RNF17: variants seen among roughly 807,000 people sequenced by gnomAD.
RNF17 encodes spermatogenesis associated 23.
Under a neutral mutation model 200.5 loss-of-function variants are expected in RNF17, and 31 were observed. The observed-to-expected ratio is 0.15, with a 90% confidence interval of 0.12 to 0.21. The LOEUF (loss-of-function observed/expected upper bound fraction) is 0.21. Among genes scored for constraint, RNF17 ranks in the 10% least tolerant of loss-of-function variants. RNF17 has a pLI of 1.00. For synonymous variants in RNF17, 606 were observed against 637.8 expected (o/e 0.95, Z 0.75); for missense variants, 1,628 against 1,905.1 (o/e 0.85, Z 2.71).
At chr13:24,879,321 T>C in intron 35 of RNF17, 26 bp downstream of exon 35, 1 of 1,406,242 alleles carries the variant, frequency 7.1e-7, no homozygotes. Context: ...CTTCATAGCA[T>C]AAGGCATGGG....
chr13:24,872,061 C>A (rs746862502), intron 32 of RNF17, among the ~76,000 whole-genome samples: 3 of 148,138 alleles, frequency 2.0e-5, no homozygotes, highest in Non-Finnish European at 4.4e-5. Context: ...CTTTGCCTCC[C>A]GGGTTCAAAC....
intron 11 of RNF17, 59 bp from the exon 12 acceptor site, chr13:24,799,336 C>A: frequency 7.5e-7 from 1 of 1,337,820 alleles, no homozygotes; most frequent in Non-Finnish European, 1.1e-6. Context: ...TGTCTGTAAA[C>A]TTATGAAGTG....
intron 22 of RNF17, among the ~76,000 whole-genome samples, chr13:24,847,349 A>ATTT (rs58067264): frequency 1.4e-5 from 2 of 138,866 alleles, no homozygotes; most frequent in Non-Finnish European, 1.6e-5. Context: ...TTATTTATTT[A>ATTT]TTTTTTTTTT....
intron 5 of RNF17, 103 bp from the exon 6 acceptor site, chr13:24,781,741 A>G (rs1882398979): frequency 4.2e-6 from 3 of 707,898 alleles, no homozygotes; most frequent in South Asian, 3.8e-5. Context: ...CTCTTGTGTT[A>G]TTTTGAAGAG....
chr13:24,836,022 C>T (rs1889954017), intron 18 of RNF17, among the ~76,000 whole-genome samples: 1 of 152,132 alleles, frequency 6.6e-6, no homozygotes, highest in African/African-American at 2.4e-5. Context: ...TGGAAAGCCT[C>T]AGCAATGGAA....
At chr13:24,881,951 T>C (rs1312195495), downstream of RNF17, among the ~76,000 whole-genome samples, 141 of 60,372 alleles carry the variant, frequency 2.3e-3, 20 homozygotes, top group African/African-American at 6.5e-3. Flanking sequence ...TATATAGATA[T>C]ATAGATACAT....
intron 15 of RNF17, among the ~76,000 whole-genome samples, chr13:24,806,496 A>G (rs1885862883): frequency 6.6e-6 from 1 of 152,138 alleles, no homozygotes; most frequent in African/African-American, 2.4e-5. Context: ...ATTTCTCCAC[A>G]TCCTCTCCAG....
intron 16 of RNF17, among the ~76,000 whole-genome samples, chr13:24,829,676 A>G (rs993060815): frequency 1.1e-4 from 17 of 152,340 alleles, no homozygotes; most frequent in South Asian, 2.1e-4. Context: ...GCATATTGAA[A>G]TGACAGATAC....
chr13:24,843,700 T>C (rs1388700373), intron 19 of RNF17, 44 bp from the exon 20 acceptor site: 1 of 1,173,680 alleles, frequency 8.5e-7, no homozygotes, highest in Non-Finnish European at 1.3e-6. Context: ...TGCAAACAAA[T>C]ATTTTGCATA....
At chr13:24,855,636 A>G (rs2138261315) in intron 25 of RNF17, among the ~76,000 whole-genome samples, 1 of 152,248 alleles carries the variant, frequency 6.6e-6, no homozygotes, top group South Asian at 2.1e-4. Flanking sequence ...CATTAAAAAA[A>G]AAAAAAATTG....
chr13:24,751,639 A>G, the RNF17 span: 1 of 152,302 alleles, frequency 6.6e-6, no homozygotes, highest in South Asian at 2.1e-4. Flanking sequence ...CATCTAGTTT[A>G]CGGCATGAAT....
Position 24,799,604 on chromosome 13 carries a change from G to A in RNF17, c.1589+20G>A. Reference sequence around the variant, plus strand: ...CACTGGGTATGATATTTTATAATATGTATCCTTGGCCTGCTTAGAAACATT... The same window carrying A: ...CACTGGGTATGATATTTTATAATATATATCCTTGGCCTGCTTAGAAACATT... On this transcript the variant is annotated intron_variant, in intron 12 of 35. Transcript: ENST00000255324. 6.6e-7 allele frequency: 1 copy of A among 1,505,492 alleles called. No homozygotes were observed. Among genetic ancestry groups the A allele is most frequent in the East Asian group, 2.3e-5 (1 of 44,150 alleles). 93.3% of individuals were successfully genotyped at this position (1,505,492 alleles called of 1,614,324 possible).
intron 11 of RNF17, among the ~76,000 whole-genome samples, chr13:24,797,745 T>TGTGTGTGTGTGTGTGTGTGTGTGTGTGTG (rs61047281): frequency 1.3e-5 from 2 of 151,418 alleles, no homozygotes; most frequent in African/African-American, 4.9e-5. Flanking sequence ...TGTGTGTGTG[T>TGTGTGTGTGTGTGTGTGTGTGTGTGTGTG]TTACCCTGCA....
intron 18 of RNF17, among the ~76,000 whole-genome samples, chr13:24,833,214 T>A (rs1008043195): frequency 6.6e-6 from 1 of 152,238 alleles, no homozygotes; most frequent in African/African-American, 2.4e-5. Context: ...CTTTCCTTTA[T>A]CGTAAGACTA....
intron 11 of RNF17, among the ~76,000 whole-genome samples, chr13:24,798,208 A>T (rs1162717048): frequency 6.6e-6 from 1 of 152,216 alleles, no homozygotes; most frequent in Non-Finnish European, 1.5e-5. Flanking sequence ...TGTGACCAGA[A>T]ATACACGTAG....
upstream of RNF17, among the ~76,000 whole-genome samples, chr13:24,760,823 ATT>A (rs749436521): frequency 1.3e-5 from 2 of 152,224 alleles, no homozygotes; most frequent in Non-Finnish European, 2.9e-5. Context: ...CTAAATAGAC[ATT>A]TCTCAAAAGA....
chr13:24,772,652 C>G (rs1273309269), intron 2 of RNF17, among the ~76,000 whole-genome samples: 1 of 151,582 alleles, frequency 6.6e-6, no homozygotes, highest in Non-Finnish European at 1.5e-5. Flanking sequence ...GCTCTGTCAC[C>G]CAGGCTAGAG....
intron 19 of RNF17, among the ~76,000 whole-genome samples, 158 bp from the exon 20 acceptor site, chr13:24,843,586 C>A (rs1249619485): frequency 6.6e-6 from 1 of 152,016 alleles, no homozygotes; most frequent in Non-Finnish European, 1.5e-5. Context: ...TGAAGTATAA[C>A]TTATATACAG....
At chr13:24,797,420 G>A (rs1037299802) in intron 11 of RNF17, among the ~76,000 whole-genome samples, 1 of 152,004 alleles carries the variant, frequency 6.6e-6, no homozygotes, top group African/African-American at 2.4e-5. Context: ...AACAGTAAAT[G>A]GCTTCAGCAG....
Sources: gnomAD v4.1 joint callset for allele counts (sites outside exome capture counted in the v4.1 genomes callset) on GRCh38, gnomAD v4.1.1 for gene constraint, MANE v1.5 for transcripts, NCBI Gene and HGNC (gene_info 2026-07-23, HGNC 2026-07-21) for gene names.